Variants in PCDH15 observed in about 807,000 individuals in gnomAD.
PCDH15 encodes protocadherin-15.
PCDH15 carries 129 observed loss-of-function variants against 178.5 expected under a neutral mutation model. The ratio of observed to expected loss-of-function variants is 0.72; its 90% CI spans 0.63 to 0.84. PCDH15 has a LOEUF of 0.84. PCDH15 is among the 40% of genes least tolerant of loss of function. PCDH15 has a pLI of 0.00. For missense variants in PCDH15, 2,230 were observed against 2,099.9 expected (o/e 1.06, Z -1.21); for synonymous variants, 800 against 732.0 (o/e 1.09, Z -1.50).
intron 3 of PCDH15, among the ~76,000 whole-genome samples, chr10:54,853,316 T>TATATATATATACATATACATATAC: frequency 8.7e-6 from 1 of 115,132 alleles, no homozygotes; most frequent in African/African-American, 3.6e-5. Flanking sequence ...TATATATATA[T>TATATATATATACATATACATATAC]ATACATACAC....
chr10:55,263,091 G>A (rs117076267), intron 1 of PCDH15, among the ~76,000 whole-genome samples: 1 of 152,174 alleles, frequency 6.6e-6, no homozygotes, highest in East Asian at 1.9e-4. Context: ...GGTCTCATCC[G>A]GGATCCTGGA....
intron 1 of PCDH15, among the ~76,000 whole-genome samples, chr10:54,779,429 C>CATATGTGTATATATATATATACACACAT (rs1950057452): frequency 1.0e-5 from 1 of 99,686 alleles, no homozygotes; most frequent in African/African-American, 3.6e-5. Context: ...TATACACACA[C>CATATGTGTATATATATATATACACACAT]ATATGTGTAT....
At chr10:54,979,683 A>AC (rs1839173887) in intron 2 of PCDH15, among the ~76,000 whole-genome samples, 2 of 151,874 alleles carry the variant, frequency 1.3e-5, no homozygotes, top group East Asian at 1.9e-4. Flanking sequence ...AAAAAAAAAA[A>AC]AAACCAGAAT....
chr10:54,315,699 T>G (rs1288291235), intron 8 of PCDH15, among the ~76,000 whole-genome samples: 1 of 118,954 alleles, frequency 8.4e-6, no homozygotes, highest in African/African-American at 3.0e-5. Flanking sequence ...TTGAGTTGAT[T>G]TTTGGTTATG....
intron 8 of PCDH15, among the ~76,000 whole-genome samples, chr10:54,306,723 A>G (rs1034084399): frequency 4.0e-5 from 6 of 151,636 alleles, no homozygotes; most frequent in Non-Finnish European, 5.9e-5. Flanking sequence ...CCCTCTGGTC[A>G]AAGGGCAAGC....
chr10:54,951,653 G>A (rs141794328), intron 2 of PCDH15, among the ~76,000 whole-genome samples: 136 of 151,894 alleles, frequency 9.0e-4, no homozygotes, highest in African/African-American at 3.0e-3. Flanking sequence ...CTTTTAAAGC[G>A]GTTATAGCAT....
intron 1 of PCDH15, among the ~76,000 whole-genome samples, chr10:55,182,245 G>T (rs1228015906): frequency 6.6e-6 from 1 of 151,858 alleles, no homozygotes; most frequent in Non-Finnish European, 1.5e-5. Context: ...AAGGACACCA[G>T]TAACAAGTGA....
chr10:55,251,698 G>T (rs1032666315), intron 1 of PCDH15, among the ~76,000 whole-genome samples: 21 of 152,168 alleles, frequency 1.4e-4, no homozygotes, highest in African/African-American at 4.8e-4. Flanking sequence ...ATGTCCACAG[G>T]TCCAATTGTT....
At chr10:55,620,020 T>C (rs1159508287) in intron 2 of PCDH15, among the ~76,000 whole-genome samples, 1 of 152,112 alleles carries the variant, frequency 6.6e-6, no homozygotes, top group Non-Finnish European at 1.5e-5. Flanking sequence ...ACCCTTCCTC[T>C]ATTTTCATTA....
intron 25 of PCDH15, among the ~76,000 whole-genome samples, chr10:53,912,792 G>A (rs897387109): frequency 2.0e-5 from 3 of 152,002 alleles, no homozygotes; most frequent in African/African-American, 7.3e-5. Flanking sequence ...AAATAAAAGA[G>A]GACACCAACA....
In PCDH15 at chr10:55,277,883, T is replaced by A. The variant is rs544237471; in HGVS notation, c.-156+41716A>T. ...CACATTTTAAATAGAGAAAACAATA[T>A]CTTGAAATATGTCTTTTCTGATCCC... On this transcript the variant is annotated intron_variant, in intron 1 of 5. Transcript: ENST00000458638. 3.9e-5 allele frequency among the ~76,000 whole-genome samples: 6 copies of A among 152,166 alleles called. No individual in the cohort carries two copies. In the South Asian group the frequency reaches 1.2e-3, roughly 32 times the overall value.
At chr10:54,078,971 C>T (rs953720447) in intron 17 of PCDH15, among the ~76,000 whole-genome samples, 4 of 152,222 alleles carry the variant, frequency 2.6e-5, no homozygotes, top group Admixed American at 6.5e-5. Flanking sequence ...AAAAAAATGA[C>T]GCTAAGTGTA....
At chr10:54,610,178 C>A (rs1235562884) in intron 2 of PCDH15, among the ~76,000 whole-genome samples, 1 of 151,792 alleles carries the variant, frequency 6.6e-6, no homozygotes, top group Non-Finnish European at 1.5e-5. Flanking sequence ...TGGTGCAGAT[C>A]TCGATTTTTT....
chr10:54,880,103 A>G (rs1001065682), intron 3 of PCDH15, among the ~76,000 whole-genome samples: 2 of 152,116 alleles, frequency 1.3e-5, no homozygotes, highest in African/African-American at 4.8e-5. Context: ...TCCCTTATGA[A>G]ATACCTTGCA....
chr10:54,058,526 C>T (rs1004494151), intron 18 of PCDH15, among the ~76,000 whole-genome samples: 4 of 152,120 alleles, frequency 2.6e-5, no homozygotes, highest in African/African-American at 9.7e-5. Flanking sequence ...ATTCAGTCAC[C>T]TCCCACCTGG....
chr10:55,594,615 A>G (rs1589164267), intron 2 of PCDH15, among the ~76,000 whole-genome samples: 3 of 152,022 alleles, frequency 2.0e-5, no homozygotes, highest in South Asian at 4.1e-4. Flanking sequence ...AAAAATTACA[A>G]TTGTAAACAC....
chr10:54,776,213 G>T (rs567621559), intron 1 of PCDH15, among the ~76,000 whole-genome samples: 30 of 152,134 alleles, frequency 2.0e-4, no homozygotes, highest in African/African-American at 7.0e-4. Context: ...TGACAATCAC[G>T]AATAGTGCTG....
intron 3 of PCDH15, among the ~76,000 whole-genome samples, chr10:54,495,348 T>C (rs2080013935): frequency 6.6e-6 from 1 of 152,160 alleles, no homozygotes. Context: ...AAATCCCTGT[T>C]GTGTAATTTT....
chr10:55,487,080 T>C (rs1466521590), intron 2 of PCDH15, among the ~76,000 whole-genome samples: 1 of 151,648 alleles, frequency 6.6e-6, no homozygotes, highest in Admixed American at 6.6e-5. Flanking sequence ...ATTTACAGTA[T>C]AAAGACATCC....
Sources: allele counts gnomAD v4.1 joint callset (sites outside exome capture counted in the v4.1 genomes callset), GRCh38; gene constraint gnomAD v4.1.1; transcripts MANE v1.5; gene names NCBI Gene and HGNC (gene_info 2026-07-23, HGNC 2026-07-21).